The following MYRIP variants were observed in gnomAD, a reference collection of about 807,000 sequenced individuals.
The protein encoded by MYRIP is myosin VIIA and Rab interacting protein, also known as rab effector MyRIP.
A neutral mutation model predicts 98.0 loss-of-function variants in MYRIP; 49 were observed. The observed-to-expected ratio is 0.50, with a 90% confidence interval of 0.40 to 0.63. The LOEUF is 0.63. Ranked by LOEUF, MYRIP falls within the 30% of genes least tolerant of loss-of-function variation. The pLI is 0.00. For synonymous variants in MYRIP, 404 were observed against 409.5 expected (o/e 0.99, Z 0.16); for missense variants, 1,004 against 1,058.2 (o/e 0.95, Z 0.71).
intron 3 of MYRIP, among the ~76,000 whole-genome samples, chr3:40,123,843 C>T (rs1949461221): frequency 6.6e-6 from 1 of 152,174 alleles, no homozygotes; most frequent in Non-Finnish European, 1.5e-5. Flanking sequence ...GTGGATGGAA[C>T]AAAACCCTGG....
At chr3:39,946,693 A>C (rs1345655549) in intron 2 of MYRIP, among the ~76,000 whole-genome samples, 1 of 152,152 alleles carries the variant, frequency 6.6e-6, no homozygotes, top group African/African-American at 2.4e-5. Context: ...ATCTTTCCCT[A>C]GTTGGGCCTC....
chr3:40,221,571 C>T (rs1231074515), intron 11 of MYRIP, among the ~76,000 whole-genome samples: 1 of 152,138 alleles, frequency 6.6e-6, no homozygotes, highest in Admixed American at 6.5e-5. Flanking sequence ...ATGGAGGTTG[C>T]AGTGAGCTGA....
At chr3:39,914,274 C>A (rs574571063) in intron 2 of MYRIP, among the ~76,000 whole-genome samples, 1 of 152,084 alleles carries the variant, frequency 6.6e-6, no homozygotes, top group South Asian at 2.1e-4. Flanking sequence ...GTTAACTGAC[C>A]AAAAAACTCT....
intron 2 of MYRIP, among the ~76,000 whole-genome samples, chr3:39,973,221 T>C (rs1324973097): frequency 1.3e-5 from 2 of 151,226 alleles, no homozygotes; most frequent in African/African-American, 4.9e-5. Flanking sequence ...ACCAAGCAAA[T>C]GGAAAACAAA....
intron 2 of MYRIP, among the ~76,000 whole-genome samples, chr3:39,977,524 C>T (rs1393737461): frequency 3.9e-5 from 6 of 152,166 alleles, no homozygotes; most frequent in African/African-American, 1.2e-4. Context: ...AAACTCACTC[C>T]GACTGCCTTT....
chr3:40,023,890 CACAGGATGTA>C (rs1445251278), intron 2 of MYRIP, among the ~76,000 whole-genome samples: 2 of 152,126 alleles, frequency 1.3e-5, no homozygotes, highest in African/African-American at 4.8e-5. Context: ...TGCCCATTTT[CACAGGATGTA>C]ACAGGGTGTC....
chr3:39,991,916 G>C (rs2057031467), intron 2 of MYRIP, among the ~76,000 whole-genome samples: 1 of 152,114 alleles, frequency 6.6e-6, no homozygotes, highest in African/African-American at 2.4e-5. Flanking sequence ...TCCTAGAATA[G>C]TGCATAGTGC....
At chr3:40,152,007 C>T (rs1211317395) in intron 4 of MYRIP, among the ~76,000 whole-genome samples, 1 of 152,156 alleles carries the variant, frequency 6.6e-6, no homozygotes, top group Non-Finnish European at 1.5e-5. Context: ...ATGTCAGCCA[C>T]TTAGACAACG....
intron 13 of MYRIP, among the ~76,000 whole-genome samples, chr3:40,249,407 G>A (rs1039998781): frequency 2.0e-5 from 3 of 152,226 alleles, no homozygotes; most frequent in African/African-American, 7.2e-5. Flanking sequence ...CAGATTGGCT[G>A]TGAGATGATG....
intron 2 of MYRIP, among the ~76,000 whole-genome samples, chr3:39,997,642 C>T (rs1256339270): frequency 6.6e-6 from 1 of 152,144 alleles, no homozygotes; most frequent in Non-Finnish European, 1.5e-5. Flanking sequence ...TGAAACTATT[C>T]CAATCAATAG....
chr3:40,257,347 T>G (rs972796091), intron 16 of MYRIP, among the ~76,000 whole-genome samples: 1 of 151,978 alleles, frequency 6.6e-6, no homozygotes, highest in Non-Finnish European at 1.5e-5. Context: ...AAATAACAGG[T>G]AGGTTTTGTG....
intron 1 of MYRIP, among the ~76,000 whole-genome samples, chr3:39,852,356 C>G (rs1942154359): frequency 6.6e-6 from 1 of 152,192 alleles, no homozygotes; most frequent in African/African-American, 2.4e-5. Flanking sequence ...TGCTCAATGA[C>G]AGGCCTCAGC....
At chr3:40,256,801 A>T (rs1473837739) in intron 16 of MYRIP, among the ~76,000 whole-genome samples, 1 of 152,138 alleles carries the variant, frequency 6.6e-6, no homozygotes, top group Admixed American at 6.6e-5. Flanking sequence ...ATACCATATA[A>T]AATATTCCAG....
At chr3:39,943,167 A>G (rs116813587) in intron 2 of MYRIP, among the ~76,000 whole-genome samples, 3,155 of 152,234 alleles carry the variant, frequency 0.021, 47 homozygotes, top group Non-Finnish European at 0.033. Context: ...TCTCTTTCTG[A>G]TTTGGAAGAG....
chr3:40,148,071 T>A (rs1018499557), intron 3 of MYRIP, among the ~76,000 whole-genome samples: 13 of 152,236 alleles, frequency 8.5e-5, no homozygotes, highest in Non-Finnish European at 1.8e-4. Flanking sequence ...AAGTCTAACT[T>A]CATGCCATTT....
chr3:39,909,963 T>C (rs1353923346), intron 2 of MYRIP, among the ~76,000 whole-genome samples: 3 of 150,138 alleles, frequency 2.0e-5, no homozygotes, highest in Non-Finnish European at 4.4e-5. Flanking sequence ...AGATCTCAGC[T>C]CACTGCAACC....
At chr3:40,117,817 T>TA (rs1262086945) in intron 3 of MYRIP, among the ~76,000 whole-genome samples, 1 of 152,096 alleles carries the variant, frequency 6.6e-6, no homozygotes, top group Non-Finnish European at 1.5e-5. Flanking sequence ...GACTTCAGCA[T>TA]AAAAAATAAA....
At chr3:40,050,522 G>A (rs1305985416) in intron 3 of MYRIP, among the ~76,000 whole-genome samples, 1 of 151,918 alleles carries the variant, frequency 6.6e-6, no homozygotes, top group East Asian at 1.9e-4. Context: ...CTGATCACCT[G>A]GGAGCTCTGA....
At chr3:40,022,266 A>G (rs927171260) in intron 2 of MYRIP, among the ~76,000 whole-genome samples, 1 of 152,214 alleles carries the variant, frequency 6.6e-6, no homozygotes, top group Non-Finnish European at 1.5e-5. Flanking sequence ...TTGTCCTATC[A>G]AAGGCACATA....
Sources: gnomAD v4.1 joint callset for allele counts (sites outside exome capture counted in the v4.1 genomes callset) on GRCh38, gnomAD v4.1.1 for gene constraint, MANE v1.5 for transcripts, NCBI Gene and HGNC (gene_info 2026-07-23, HGNC 2026-07-21) for gene names.